The following TESK2 variants were observed in gnomAD, a reference collection of about 807,000 sequenced individuals.
TESK2 encodes the protein dual specificity testis-specific protein kinase 2.
TESK2 carries 39 observed loss-of-function variants against 57.1 expected under a neutral mutation model. The observed-to-expected ratio is 0.68, with a 90% CI of 0.53 to 0.89. TESK2 has a LOEUF of 0.89. Among genes scored for constraint, TESK2 ranks in the 40% least tolerant of loss-of-function variants. The pLI is 0.00. For missense variants in TESK2, 646 were observed against 732.1 expected (o/e 0.88, Z 1.36); for synonymous variants, 249 against 267.9 (o/e 0.93, Z 0.69).
chr1:45,387,872 T>C (rs1340938850), intron 3 of TESK2, among the ~76,000 whole-genome samples: 1 of 152,156 alleles, frequency 6.6e-6, no homozygotes, highest in Admixed American at 6.5e-5. Flanking sequence ...CTGGGCATGG[T>C]AGCAGGTGCC....
At chr1:45,432,758 C>CTTTTTT (rs1300292630) in intron 2 of TESK2, among the ~76,000 whole-genome samples, 1 of 87,642 alleles carries the variant, frequency 1.1e-5, no homozygotes, top group Non-Finnish European at 2.0e-5. Context: ...AATATTATAA[C>CTTTTTT]TTTTTTTTTT....
chr1:45,421,919 T>C, intron 2 of TESK2, 73 bp from the exon 3 acceptor site: 1 of 1,514,576 alleles, frequency 6.6e-7, no homozygotes, highest in South Asian at 1.2e-5. Context: ...TCTCCAAATG[T>C]ACAATATGCC....
At chr1:45,471,012 C>T (rs1388433661) in intron 1 of TESK2, among the ~76,000 whole-genome samples, 1 of 152,160 alleles carries the variant, frequency 6.6e-6, no homozygotes, top group Non-Finnish European at 1.5e-5. Context: ...GCAGGTGGAT[C>T]ACGAGGTCAG....
Position 45,346,999 on chromosome 1 carries a change from C to A in TESK2, c.772G>T (p.Asp258Tyr), listed in dbSNP as rs1310624792. The change falls in exon 8 of 11, where the codon GAC becomes TAC. Residue 258 changes from aspartate (D) to tyrosine (Y), a missense_variant. Coordinates refer to ENST00000372086, the MANE Select transcript of TESK2 (RefSeq NM_007170.3). ...EIIARIQADP[D>Y]YLPRTENFGL... Reference sequence around the variant, plus strand: ...CTCACCTCTGTGCGGGGAAGATAGTCCGGATCGGCCTGGATGCGGGCGATG... The same window carrying A: ...CTCACCTCTGTGCGGGGAAGATAGTACGGATCGGCCTGGATGCGGGCGATG... 5 of 1,614,194 alleles carry A rather than the reference C, an allele frequency of 3.1e-6. No individual in the cohort carries two copies. The highest frequency in any genetic ancestry group is 4.2e-6 in the Non-Finnish European group (5 of 1,180,034).
At chr1:45,348,050 TCAGCCATAGAGTTAC>T (rs1454460359) in intron 5 of TESK2, 50 bp from the exon 6 acceptor site, 3 of 1,293,238 alleles carry the variant, frequency 2.3e-6, no homozygotes, top group Non-Finnish European at 3.4e-6. Context: ...GAAGCGGGGA[TCAGCCATAGAGTTAC>T]CACCCATTCC....
intron 1 of TESK2, among the ~76,000 whole-genome samples, chr1:45,477,058 C>CAAAAAAAAAAA: frequency 8.1e-6 from 1 of 123,512 alleles, no homozygotes; most frequent in Non-Finnish European, 1.6e-5. Flanking sequence ...ACGTCTCTAC[C>CAAAAAAAAAAA]AAAAAAAAAA....
Position 45,347,111 on chromosome 1 carries a change from G to A in TESK2, c.709-49C>T, listed in dbSNP as rs778082996. 3.2e-6 allele frequency: 5 copies of A among 1,557,282 alleles called. No homozygotes were observed. In the African/African-American group the frequency reaches 5.4e-5, roughly 17 times the overall value. ...TTCCCTCTTAATGGGTTGAGGGGTA[G>A]GGTATCTGCCCCTGCCCCTGCCTCC... On this transcript the variant is annotated intron_variant, in intron 7 of 10. Transcript: ENST00000372086.
chr1:45,453,889 C>T (rs532418213), intron 2 of TESK2, among the ~76,000 whole-genome samples: 2 of 151,960 alleles, frequency 1.3e-5, no homozygotes, highest in South Asian at 4.2e-4. Flanking sequence ...AGAAGATATA[C>T]AAAAAAGGTC....
intron 2 of TESK2, among the ~76,000 whole-genome samples, chr1:45,454,805 T>A (rs1178633189): frequency 1.3e-5 from 2 of 152,092 alleles, no homozygotes; most frequent in African/African-American, 4.8e-5. Context: ...CACAATGCAA[T>A]ATTAGCCATA....
intron 4 of TESK2, among the ~76,000 whole-genome samples, chr1:45,356,788 G>A (rs769901377): frequency 2.4e-4 from 36 of 152,152 alleles, no homozygotes; most frequent in South Asian, 4.1e-4. Flanking sequence ...ACATTGAGCT[G>A]AAGCAGTCAT....
At chr1:45,420,365 A>C (rs1409224884) in intron 3 of TESK2, among the ~76,000 whole-genome samples, 2 of 151,738 alleles carry the variant, frequency 1.3e-5, no homozygotes, top group Non-Finnish European at 2.9e-5. Context: ...CAGCCTCCCG[A>C]GTAGCTGAAA....
intron 4 of TESK2, among the ~76,000 whole-genome samples, chr1:45,371,638 G>A (rs1184613326): frequency 6.6e-6 from 1 of 152,100 alleles, no homozygotes; most frequent in Non-Finnish European, 1.5e-5. Flanking sequence ...TGAGGTGGGC[G>A]AATTGCCTGA....
chr1:45,480,870 C>A (rs937143748), intron 1 of TESK2, among the ~76,000 whole-genome samples: 23 of 151,400 alleles, frequency 1.5e-4, no homozygotes, highest in African/African-American at 5.4e-4. Context: ...CACCTGTAAT[C>A]CCAGCTACTC....
intron 4 of TESK2, among the ~76,000 whole-genome samples, chr1:45,374,474 C>T (rs2149271072): frequency 6.6e-6 from 1 of 152,004 alleles, no homozygotes; most frequent in African/African-American, 2.4e-5. Context: ...TTACCTATTT[C>T]ATAGGATTGC....
intron 3 of TESK2, among the ~76,000 whole-genome samples, chr1:45,408,011 C>T (rs1171399400): frequency 1.3e-5 from 2 of 152,174 alleles, no homozygotes; most frequent in African/African-American, 4.8e-5. Context: ...CCAACCTGAA[C>T]TGCTTATTTT....
chr1:45,347,917 C>A lies in TESK2; in HGVS notation c.623+1G>T. On this transcript the variant is annotated splice_donor_variant, in intron 6 of 10. Transcript: ENST00000372086. LOFTEE classifies it high-confidence loss of function. Reference sequence around the variant, plus strand: ...CCCCAGCATCCAGTAGGGCTACACACCTGACATCGGGGATCTTCTCAGCCA... The same window carrying A: ...CCCCAGCATCCAGTAGGGCTACACAACTGACATCGGGGATCTTCTCAGCCA... The A allele has an allele frequency of 6.2e-7, 1 of 1,611,214 alleles. No individual in the cohort carries two copies. Among genetic ancestry groups the A allele is most frequent in the Non-Finnish European group, 8.5e-7 (1 of 1,177,308 alleles).
chr1:45,357,561 A>AT (rs1220111000), intron 4 of TESK2, among the ~76,000 whole-genome samples: 1 of 144,288 alleles, frequency 6.9e-6, no homozygotes, highest in Non-Finnish European at 1.5e-5. Flanking sequence ...TTTTTTAGTA[A>AT]AAAAAAAAAA....
At chr1:45,458,971 T>C (rs1366677784) in intron 1 of TESK2, among the ~76,000 whole-genome samples, 1 of 152,204 alleles carries the variant, frequency 6.6e-6, no homozygotes, top group Non-Finnish European at 1.5e-5. Flanking sequence ...ATTAGTGAAA[T>C]GCTTTCATAA....
Position 45,347,005 on chromosome 1 carries a change from C to A in TESK2, c.766G>T (p.Asp256Tyr). ...LCEIIARIQA[D>Y]PDYLPRTENF... ...TCTGTGCGGGGAAGATAGTCCGGAT[C>A]GGCCTGGATGCGGGCGATGATCTCG... is the stretch of plus-strand genomic sequence containing the variant. The change falls in exon 8 of 11, where the codon GAT (aspartate) becomes TAT (tyrosine). Residue 256 changes from aspartate (D) to tyrosine (Y), a missense_variant. Physicochemically the swap from Asp to Tyr is radical, Grantham distance 160 (BLOSUM62 -3). Coordinates refer to ENST00000372086, the MANE Select transcript of TESK2 (RefSeq NM_007170.3). The A allele has an allele frequency of 8.1e-6, 13 of 1,614,182 alleles. No individual in the cohort carries two copies. The highest frequency in any genetic ancestry group is 1.0e-5 in the Non-Finnish European group (12 of 1,180,036).
Sources: allele counts gnomAD v4.1 joint callset (sites outside exome capture counted in the v4.1 genomes callset), GRCh38; gene constraint gnomAD v4.1.1; transcripts MANE v1.5; gene names NCBI Gene and HGNC (gene_info 2026-07-23, HGNC 2026-07-21).